Variants in REV3L observed in about 807,000 individuals in gnomAD.
REV3L encodes the protein DNA polymerase zeta catalytic subunit.
Under a neutral mutation model 299.4 loss-of-function variants are expected in REV3L, and 69 were observed. The observed-to-expected ratio is 0.23, with a 90% confidence interval of 0.19 to 0.28. REV3L has a LOEUF of 0.28. REV3L is among the 10% of genes least tolerant of loss of function. The pLI is 1.00. For missense variants in REV3L, 3,128 were observed against 3,693.8 expected (o/e 0.85, Z 3.97); for synonymous variants, 1,238 against 1,271.4 (o/e 0.97, Z 0.56).
At chr6:111,385,889 G>A (rs1283531424) in intron 9 of REV3L, among the ~76,000 whole-genome samples, 2 of 152,106 alleles carry the variant, frequency 1.3e-5, no homozygotes, top group African/African-American at 4.8e-5. Context: ...AGATTAAAAT[G>A]CAGAGACACT....
intron 19 of REV3L, among the ~76,000 whole-genome samples, chr6:111,350,251 G>C (rs1777451961): frequency 6.6e-6 from 1 of 151,898 alleles, no homozygotes; most frequent in African/African-American, 2.4e-5. Flanking sequence ...TTCTAAACTA[G>C]GATTACCTGA....
chr6:111,483,252 T>C, upstream of REV3L: 1 of 216,854 alleles, frequency 4.6e-6, no homozygotes, highest in Non-Finnish European at 8.5e-6. Flanking sequence ...GAGAGGGGGG[T>C]GTGTGTGGCG....
rs551718323 is a variant in REV3L at position 111,392,537 on chromosome 6, T to A, written c.662+339A>T. On this transcript the variant is annotated intron_variant, in intron 5 of 31. Coordinates refer to ENST00000368802, the MANE Select transcript of REV3L (RefSeq NM_001372078.1). ...TATTAAAAATATTTAGATTTTTGTT[T>A]TAAATTACTATTTTATCATAAATGT... Among the ~76,000 whole-genome samples the A allele has an allele frequency of 5.9e-5, 9 of 152,298 alleles. No homozygotes were observed. In the East Asian group the frequency reaches 1.7e-3, roughly 29 times the overall value.
intron 20 of REV3L, among the ~76,000 whole-genome samples, chr6:111,347,977 T>G (rs532105314): frequency 1.3e-5 from 2 of 152,296 alleles, no homozygotes; most frequent in South Asian, 4.2e-4. Context: ...TAACTCGTAT[T>G]TTTTGGTAGA....
At chr6:111,347,040 TG>T (rs1421112576) in intron 20 of REV3L, among the ~76,000 whole-genome samples, 1 of 151,998 alleles carries the variant, frequency 6.6e-6, no homozygotes, top group Non-Finnish European at 1.5e-5. Context: ...GAGGCCGAGG[TG>T]GGCAGACCAC....
At chr6:111,379,885 G>A in intron 11 of REV3L, 97 bp downstream of exon 11, 1 of 782,788 alleles carries the variant, frequency 1.3e-6, no homozygotes, top group Non-Finnish European at 2.1e-6. Flanking sequence ...TAGTTCATAA[G>A]GTATTTTATA....
At position 111,322,982 on chromosome 6, in the gene REV3L, T is replaced by A. The variant is rs545003778; in HGVS notation, c.8242-304A>T. 6.6e-5 allele frequency among the ~76,000 whole-genome samples: 10 copies of A among 151,734 alleles called. No individual in the cohort carries two copies. In the South Asian group the frequency reaches 1.2e-3, roughly 19 times the overall value. ...TGGATTCTTGGAAGAATAATCCTTC[T>A]TTATTCAAGAACTTTTTTTTTTTTT... On this transcript the variant is annotated intron_variant, in intron 25 of 31. Coordinates refer to ENST00000368802, the MANE Select transcript of REV3L (RefSeq NM_001372078.1).
At chr6:111,448,240 G>C (rs1041280540) in intron 1 of REV3L, among the ~76,000 whole-genome samples, 3 of 152,194 alleles carry the variant, frequency 2.0e-5, no homozygotes, top group Admixed American at 2.0e-4. Flanking sequence ...GAAAACAATG[G>C]AAGAGAAGTA....
At position 111,431,293 on chromosome 6, in the gene REV3L, T is replaced by C. The variant is rs184360315; in HGVS notation, c.140-14821A>G. On this transcript the variant is annotated intron_variant, in intron 1 of 31. Coordinates refer to ENST00000368802, the MANE Select transcript of REV3L (RefSeq NM_001372078.1). ...ACTGCCTGAAGATGGAAGGCCATAC[T>C]AGGACACCTGACACAGCAAAAGAAA... 1.2e-4 allele frequency: 156 copies of C among 1,306,914 alleles called. No homozygotes were observed. The East Asian group carries it at 3.5e-3, about 29-fold the overall frequency. 81.0% of individuals were successfully genotyped at this position (1,306,914 alleles called of 1,614,324 possible). A position where few individuals can be genotyped will look rare whatever the true frequency, so the allele number is the denominator to read the frequency against.
At chr6:111,379,594 A>G (rs1780627754) in intron 11 of REV3L, among the ~76,000 whole-genome samples, 1 of 152,344 alleles carries the variant, frequency 6.6e-6, no homozygotes, top group South Asian at 2.1e-4. Context: ...ATCAGAGCCC[A>G]AAACCATACC....
chr6:111,476,958 T>A (rs935450872), intron 1 of REV3L, among the ~76,000 whole-genome samples: 13 of 141,720 alleles, frequency 9.2e-5, no homozygotes, highest in African/African-American at 3.0e-4. Context: ...AATCAGCACA[T>A]GTTATCTGTA....
chr6:111,385,729 A>G (rs1781279737), intron 9 of REV3L, among the ~76,000 whole-genome samples: 1 of 152,158 alleles, frequency 6.6e-6, no homozygotes, highest in African/African-American at 2.4e-5. Flanking sequence ...ATAACTGATA[A>G]AGACTTAATA....
At chr6:111,451,833 T>C (rs1403096997) in intron 1 of REV3L, among the ~76,000 whole-genome samples, 1 of 140,448 alleles carries the variant, frequency 7.1e-6, no homozygotes, top group East Asian at 2.0e-4. Flanking sequence ...CCAAAAAGTA[T>C]GAATCACGAA....
intron 20 of REV3L, among the ~76,000 whole-genome samples, chr6:111,345,654 C>A (rs1776949562): frequency 6.6e-6 from 1 of 152,148 alleles, no homozygotes; most frequent in Non-Finnish European, 1.5e-5. Flanking sequence ...GTGCTTCCAG[C>A]TTACTCCCCT....
At chr6:111,467,842 G>C (rs1045266658) in intron 1 of REV3L, among the ~76,000 whole-genome samples, 1 of 152,144 alleles carries the variant, frequency 6.6e-6, no homozygotes, top group East Asian at 1.9e-4. Flanking sequence ...TGGATACAGA[G>C]GGAAGACTGT....
chr6:111,430,121 T>C (rs2128297929), intron 1 of REV3L: 2 of 790,582 alleles, frequency 2.5e-6, no homozygotes, highest in East Asian at 2.4e-5. Context: ...GGGTGGAGAA[T>C]GAGGCAGAAA....
At chr6:111,307,284 C>T (rs1457821508) in intron 31 of REV3L, 77 bp downstream of exon 31, 1 of 1,292,384 alleles carries the variant, frequency 7.7e-7, no homozygotes, top group African/African-American at 1.4e-5. Context: ...GTATCTCACA[C>T]TATAATTCAA....
intron 1 of REV3L, among the ~76,000 whole-genome samples, chr6:111,458,019 T>C (rs1006593565): frequency 6.6e-6 from 1 of 151,628 alleles, no homozygotes; most frequent in African/African-American, 2.4e-5. Flanking sequence ...GACAAAAATA[T>C]GTAATAGATG....
At chr6:111,316,082 A>G (rs1291385184) in intron 26 of REV3L, among the ~76,000 whole-genome samples, 1 of 152,120 alleles carries the variant, frequency 6.6e-6, no homozygotes, top group East Asian at 1.9e-4. Context: ...CTACTAAAAT[A>G]TAAAAATTAG....
Sources: allele counts gnomAD v4.1 joint callset (sites outside exome capture counted in the v4.1 genomes callset), GRCh38; gene constraint gnomAD v4.1.1; transcripts MANE v1.5; gene names NCBI Gene and HGNC (gene_info 2026-07-23, HGNC 2026-07-21).